The following CAMTA1 variants were observed in gnomAD, a reference collection of about 807,000 sequenced individuals.
CAMTA1 encodes calmodulin-binding transcription activator 1.
A neutral mutation model predicts 170.9 loss-of-function variants in CAMTA1; 27 were observed. The observed-to-expected ratio is 0.16, with a 90% CI of 0.12 to 0.22. The LOEUF (loss-of-function observed/expected upper bound fraction) is 0.22. Ranked by LOEUF, CAMTA1 falls within the 10% of genes least tolerant of loss-of-function variation. CAMTA1 has a pLI of 1.00. For missense variants in CAMTA1, 1,619 were observed against 2,217.2 expected, an observed-to-expected ratio of 0.73 and a Z score of 5.42; for synonymous variants, 833 against 891.5, an observed-to-expected ratio of 0.93 and a Z score of 1.17.
intron 5 of CAMTA1, among the ~76,000 whole-genome samples, chr1:7,308,545 A>G (rs1675955203): frequency 6.6e-6 from 1 of 152,070 alleles, no homozygotes; most frequent in South Asian, 2.1e-4. Flanking sequence ...GATACATTAT[A>G]TTTTTATTGT....
At chr1:7,097,678 AG>A (rs1265010407) in intron 4 of CAMTA1, among the ~76,000 whole-genome samples, 2 of 152,256 alleles carry the variant, frequency 1.3e-5, no homozygotes, top group African/African-American at 2.4e-5. Context: ...AGAGCTGAAA[AG>A]AAATGCAATT....
intron 4 of CAMTA1, among the ~76,000 whole-genome samples, chr1:7,169,210 C>A (rs373857809): frequency 6.6e-6 from 1 of 152,164 alleles, no homozygotes; most frequent in Admixed American, 6.5e-5. Flanking sequence ...AGGAGTTTTG[C>A]GTCTATGTTC....
intron 6 of CAMTA1, among the ~76,000 whole-genome samples, chr1:7,475,011 C>G (rs945520428): frequency 4.6e-5 from 7 of 152,240 alleles, no homozygotes; most frequent in African/African-American, 7.2e-5. Context: ...CCCGTGGCCT[C>G]CTCCTGGTGG....
chr1:7,721,038 C>G (rs2096646499), intron 11 of CAMTA1, among the ~76,000 whole-genome samples: 1 of 152,206 alleles, frequency 6.6e-6, no homozygotes, highest in Non-Finnish European at 1.5e-5. Context: ...AATAGGCTCC[C>G]AGGAGCTTAA....
chr1:7,424,050 G>A (rs1048922858), intron 5 of CAMTA1, among the ~76,000 whole-genome samples: 1 of 152,096 alleles, frequency 6.6e-6, no homozygotes, highest in Non-Finnish European at 1.5e-5. Context: ...GAGGTGCTTG[G>A]TGGGCACCTG....
intron 5 of CAMTA1, among the ~76,000 whole-genome samples, chr1:7,303,093 G>A (rs1334362199): frequency 1.3e-5 from 2 of 152,112 alleles, no homozygotes; most frequent in Non-Finnish European, 2.9e-5. Context: ...TATGAGTTAC[G>A]ACATGTAAAG....
chr1:7,760,920 T>G (rs531446898), intron 22 of CAMTA1, among the ~76,000 whole-genome samples: 1 of 152,372 alleles, frequency 6.6e-6, no homozygotes, highest in Non-Finnish European at 1.5e-5. Context: ...GAAGCAGCTT[T>G]GCCTTACGCT....
chr1:7,002,117 C>G (rs546691394), intron 3 of CAMTA1, among the ~76,000 whole-genome samples: 34 of 152,124 alleles, frequency 2.2e-4, no homozygotes, highest in Admixed American at 8.5e-4. Context: ...AGGCTGGTCT[C>G]GAACTCCAGA....
chr1:7,370,509 T>A (rs2086360521), intron 5 of CAMTA1, among the ~76,000 whole-genome samples: 1 of 152,200 alleles, frequency 6.6e-6, no homozygotes, highest in African/African-American at 2.4e-5. Context: ...AAATAATCCA[T>A]TACTGTCCGG....
chr1:7,025,086 G>C (rs1701844166), intron 3 of CAMTA1, among the ~76,000 whole-genome samples: 1 of 152,310 alleles, frequency 6.6e-6, no homozygotes, highest in South Asian at 2.1e-4. Context: ...TGAAGGCTGG[G>C]ATATTTCCCA....
intron 6 of CAMTA1, among the ~76,000 whole-genome samples, chr1:7,553,515 G>C (rs2094835892): frequency 6.6e-6 from 1 of 152,252 alleles, no homozygotes; most frequent in Admixed American, 6.5e-5. Context: ...AAGATTGAAA[G>C]CAAGAGGGAT....
chr1:7,143,904 A>T (rs974003646), intron 4 of CAMTA1, among the ~76,000 whole-genome samples: 4 of 152,150 alleles, frequency 2.6e-5, no homozygotes, highest in African/African-American at 9.7e-5. Context: ...ATTCTGTGAA[A>T]TAGTTTCTAT....
intron 3 of CAMTA1, among the ~76,000 whole-genome samples, chr1:6,957,843 A>G (rs1572028857): frequency 6.6e-6 from 1 of 152,260 alleles, no homozygotes; most frequent in African/African-American, 2.4e-5. Context: ...AGGCAGGTGG[A>G]GAGTAGGGCT....
At chr1:7,290,326 A>G (rs1672943736) in intron 5 of CAMTA1, among the ~76,000 whole-genome samples, 1 of 152,218 alleles carries the variant, frequency 6.6e-6, no homozygotes, top group African/African-American at 2.4e-5. Flanking sequence ...TGAAAACACC[A>G]TGTTCTCTTT....
At chr1:7,078,117 A>T (rs566655520) in intron 3 of CAMTA1, among the ~76,000 whole-genome samples, 1 of 152,366 alleles carries the variant, frequency 6.6e-6, no homozygotes, top group East Asian at 1.9e-4. Context: ...ATTTTTGCAT[A>T]GCTTATCCCT....
intron 3 of CAMTA1, among the ~76,000 whole-genome samples, chr1:6,964,313 G>A (rs1350490766): frequency 1.3e-5 from 2 of 151,906 alleles, no homozygotes; most frequent in African/African-American, 4.8e-5. Context: ...CAGTGTCCTC[G>A]GTGCCCCCGG....
At chr1:6,788,198 A>G (rs1569757096) in intron 1 of CAMTA1, among the ~76,000 whole-genome samples, 1 of 114,592 alleles carries the variant, frequency 8.7e-6, no homozygotes, top group South Asian at 2.6e-4. Flanking sequence ...TCCCTCTTTC[A>G]CGAAATTCAG....
intron 3 of CAMTA1, among the ~76,000 whole-genome samples, chr1:6,884,782 C>T (rs1048018420): frequency 1.3e-5 from 2 of 152,166 alleles, no homozygotes; most frequent in Admixed American, 6.5e-5. Context: ...CCTGGGAATG[C>T]GCAGTCTAAG....
At chr1:7,055,871 G>A (rs1379839296) in intron 3 of CAMTA1, among the ~76,000 whole-genome samples, 1 of 152,222 alleles carries the variant, frequency 6.6e-6, no homozygotes, top group African/African-American at 2.4e-5. Context: ...GCAAATTTTG[G>A]TCAGAGGTGC....
Sources: gnomAD v4.1 joint callset for allele counts (sites outside exome capture counted in the v4.1 genomes callset) on GRCh38, gnomAD v4.1.1 for gene constraint, MANE v1.5 for transcripts, NCBI Gene and HGNC (gene_info 2026-07-23, HGNC 2026-07-21) for gene names.